The following HS3ST5 variants were observed in gnomAD, a reference collection of about 807,000 sequenced individuals.
HS3ST5 encodes the protein heparan sulfate-glucosamine 3-sulfotransferase 5, also known as heparan sulfate glucosamine 3-O-sulfotransferase 5.
HS3ST5 carries 10 observed loss-of-function variants against 25.4 expected under a neutral mutation model. That is an observed-to-expected ratio of 0.39 (90% CI 0.24 to 0.67). The LOEUF (loss-of-function observed/expected upper bound fraction) is 0.67. Ranked by LOEUF, HS3ST5 falls within the 30% of genes least tolerant of loss-of-function variation. The pLI, the probability that HS3ST5 is intolerant of heterozygous loss-of-function variation, is 0.44. For synonymous variants in HS3ST5, 170 were observed against 162.4 expected, an observed-to-expected ratio of 1.05 and a Z score of -0.36; for missense variants, 324 against 420.7, an observed-to-expected ratio of 0.77 and a Z score of 2.01.
chr6:114,138,105 A>C (rs2114925989), intron 3 of HS3ST5, among the ~76,000 whole-genome samples: 1 of 152,264 alleles, frequency 6.6e-6, no homozygotes, highest in Non-Finnish European at 1.5e-5. Flanking sequence ...ATGGAGAAGT[A>C]GTAGTAATTA....
At chr6:114,084,036 C>T in intron 3 of HS3ST5, 1 of 559,224 alleles carries the variant, frequency 1.8e-6, no homozygotes, top group Non-Finnish European at 3.1e-6. Context: ...ATTGTACAAA[C>T]ACTTGGTCTT....
chr6:114,301,764 A>G (rs1036520006), intron 1 of HS3ST5, among the ~76,000 whole-genome samples: 2 of 152,020 alleles, frequency 1.3e-5, no homozygotes, highest in African/African-American at 4.8e-5. Flanking sequence ...CAGCTGCTTC[A>G]TGGGGTTCTC....
intron 1 of HS3ST5, among the ~76,000 whole-genome samples, chr6:114,281,546 A>T (rs555362671): frequency 1.3e-5 from 2 of 152,064 alleles, no homozygotes; most frequent in Non-Finnish European, 2.9e-5. Flanking sequence ...CATGGAAAAC[A>T]GCTCACCACT....
chr6:114,153,963 C>T (rs1324618782), intron 3 of HS3ST5, among the ~76,000 whole-genome samples: 1 of 152,158 alleles, frequency 6.6e-6, no homozygotes, highest in African/African-American at 2.4e-5. Flanking sequence ...ATCAAGGGGG[C>T]TCAGGGGGAC....
chr6:114,286,437 T>G lies in HS3ST5; in HGVS notation c.-339+55758A>C, dbSNP rs551396366. On this transcript the variant is annotated intron_variant, in intron 1 of 4. Coordinates refer to ENST00000312719, the MANE Select transcript of HS3ST5 (RefSeq NM_153612.4). The stretch of plus-strand genomic sequence containing the variant: ...CAATAATGCATTGTACATTTAAAAA[T>G]TTGTTAAAAGGGTAGATCTCATGTT... Among the ~76,000 whole-genome samples, 40 of 152,102 alleles carry G rather than the reference T, an allele frequency of 2.6e-4. No homozygotes were observed. In the South Asian group the frequency reaches 5.4e-3, roughly 20 times the overall value.
intron 3 of HS3ST5, among the ~76,000 whole-genome samples, chr6:114,109,719 C>T (rs1201091115): frequency 6.6e-6 from 1 of 152,172 alleles, no homozygotes; most frequent in Non-Finnish European, 1.5e-5. Context: ...GTGTGTGCTA[C>T]CTTTGCAGTC....
At chr6:114,168,325 C>T (rs1226679207) in intron 3 of HS3ST5, 26 bp downstream of exon 3, 1 of 152,116 alleles carries the variant, frequency 6.6e-6, no homozygotes, top group Non-Finnish European at 1.5e-5. Context: ...ACTGCGAGAG[C>T]ACGTAGAAGT....
At chr6:114,167,470 T>C (rs1434097742) in intron 3 of HS3ST5, 2 of 152,206 alleles carry the variant, frequency 1.3e-5, no homozygotes. Context: ...CTCAATGAGA[T>C]GCATAGTATT....
chr6:114,261,942 C>A (rs933990561), intron 1 of HS3ST5, among the ~76,000 whole-genome samples: 6 of 152,140 alleles, frequency 3.9e-5, no homozygotes, highest in African/African-American at 1.4e-4. Context: ...GTCTACTGGA[C>A]CCTCTCTTTT....
chr6:114,286,592 G>T lies in HS3ST5; in HGVS notation c.-339+55603C>A, dbSNP rs117664263. ...AAGTATGTTTATGTTGTACCACAAA[G>T]AACCTTGTTTTTCTTTCCAATTAAA... On this transcript the variant is annotated intron_variant, in intron 1 of 4. Transcript: ENST00000312719. Among the ~76,000 whole-genome samples, 309 of 151,984 alleles carry T rather than the reference G, an allele frequency of 2.0e-3. 1 individual carries two copies. Among genetic ancestry groups the T allele is most frequent in the Non-Finnish European group, 3.9e-3 (264 of 67,912 alleles).
chr6:114,099,836 C>G (rs142661303), intron 3 of HS3ST5, among the ~76,000 whole-genome samples: 41 of 152,222 alleles, frequency 2.7e-4, no homozygotes, highest in African/African-American at 8.7e-4. Flanking sequence ...CTGAAATCCC[C>G]ACAGATATGA....
At chr6:114,254,704 G>A (rs929904759) in intron 1 of HS3ST5, among the ~76,000 whole-genome samples, 1 of 152,144 alleles carries the variant, frequency 6.6e-6, no homozygotes, top group Non-Finnish European at 1.5e-5. Context: ...GTCTTACATG[G>A]CAATGGGCAA....
chr6:114,184,398 G>A (rs539823387), intron 2 of HS3ST5, among the ~76,000 whole-genome samples: 2 of 152,218 alleles, frequency 1.3e-5, no homozygotes, highest in East Asian at 3.9e-4. Flanking sequence ...ATGGCCAAGA[G>A]ACTGTTCAGT....
At chr6:114,297,800 T>C (rs765879035) in intron 1 of HS3ST5, among the ~76,000 whole-genome samples, 2 of 152,206 alleles carry the variant, frequency 1.3e-5, no homozygotes, top group Non-Finnish European at 2.9e-5. Context: ...AAACTGTTAG[T>C]GGCAGCATAG....
intron 2 of HS3ST5, among the ~76,000 whole-genome samples, chr6:114,175,632 G>A (rs1199117845): frequency 2.6e-5 from 4 of 152,098 alleles, no homozygotes; most frequent in Non-Finnish European, 5.9e-5. Flanking sequence ...TGAGGGAGGA[G>A]GACACAGGAG....
chr6:114,086,242 C>G (rs1404182654), intron 3 of HS3ST5, among the ~76,000 whole-genome samples: 1 of 152,146 alleles, frequency 6.6e-6, no homozygotes, highest in Non-Finnish European at 1.5e-5. Flanking sequence ...ATAGGGAGAT[C>G]ACTCAGGTGG....
At chr6:114,120,867 C>T (rs151132333) in intron 3 of HS3ST5, among the ~76,000 whole-genome samples, 417 of 152,162 alleles carry the variant, frequency 2.7e-3, no homozygotes, top group Admixed American at 3.9e-3. Context: ...TTGAATTCCA[C>T]GAATTAAAAA....
At chr6:114,191,398 G>T (rs911298448) in intron 2 of HS3ST5, among the ~76,000 whole-genome samples, 1 of 152,096 alleles carries the variant, frequency 6.6e-6, no homozygotes, top group Non-Finnish European at 1.5e-5. Flanking sequence ...ATGAAAATAG[G>T]CCGCTTGCTT....
chr6:114,283,677 G>A (rs550802443), intron 1 of HS3ST5, among the ~76,000 whole-genome samples: 8 of 151,592 alleles, frequency 5.3e-5, no homozygotes, highest in African/African-American at 1.9e-4. Context: ...TGTTCTTTTA[G>A]GAAAAAAGAA....
Sources: gnomAD v4.1 joint callset for allele counts (sites outside exome capture counted in the v4.1 genomes callset) on GRCh38, gnomAD v4.1.1 for gene constraint, MANE v1.5 for transcripts, NCBI Gene and HGNC (gene_info 2026-07-23, HGNC 2026-07-21) for gene names.